The following MAST4 variants were observed in gnomAD, a reference collection of about 807,000 sequenced individuals.
MAST4 encodes microtubule associated serine/threonine kinase family member 4, also known as microtubule-associated serine/threonine-protein kinase 4.
In MAST4, 89 loss-of-function variants were observed where a neutral mutation model predicts 162.7. The observed-to-expected ratio is 0.55, with a 90% confidence interval of 0.46 to 0.65. MAST4 has a LOEUF of 0.65. MAST4 is among the 30% of genes least tolerant of loss of function. The pLI is 0.00. For missense variants in MAST4, 3,153 were observed against 3,374.0 expected, an observed-to-expected ratio of 0.93 and a Z score of 1.62; for synonymous variants, 1,479 against 1,361.1, an observed-to-expected ratio of 1.09 and a Z score of -1.91.
intron 4 of MAST4, among the ~76,000 whole-genome samples, chr5:66,943,303 A>G (rs538457665): frequency 3.4e-4 from 52 of 152,280 alleles, no homozygotes; most frequent in African/African-American, 1.2e-3. Context: ...GGTAGCCCAG[A>G]GCAACCATTT....
At chr5:66,829,943 A>G (rs1298174455) in intron 3 of MAST4, among the ~76,000 whole-genome samples, 4 of 152,194 alleles carry the variant, frequency 2.6e-5, no homozygotes, top group South Asian at 2.1e-4. Flanking sequence ...TTCAAACCTA[A>G]GTAAACAGAC....
At chr5:66,714,719 A>G (rs558845549) in intron 1 of MAST4, among the ~76,000 whole-genome samples, 2 of 152,348 alleles carry the variant, frequency 1.3e-5, no homozygotes, top group African/African-American at 2.4e-5. Flanking sequence ...TTTTTTAAAC[A>G]ATACCACTTT....
intron 3 of MAST4, among the ~76,000 whole-genome samples, chr5:66,805,472 T>A (rs1371224338): frequency 6.6e-6 from 1 of 152,220 alleles, no homozygotes; most frequent in Non-Finnish European, 1.5e-5. Context: ...CATTTTAGCA[T>A]TTTTATATCT....
intron 16 of MAST4, among the ~76,000 whole-genome samples, chr5:67,132,585 A>T (rs1769120806): frequency 6.6e-6 from 1 of 152,006 alleles, no homozygotes; most frequent in South Asian, 2.1e-4. Context: ...AGTAATTTTT[A>T]ATTTATGTGG....
At position 66,596,739 on chromosome 5, in the gene MAST4, G is replaced by A; in HGVS notation, c.84G>A (p.Leu28=). Residue 28 remains leucine (L), a synonymous_variant, in exon 1 of 29, where the codon CTG becomes CTA. Coordinates refer to ENST00000403625, the MANE Select transcript of MAST4 (RefSeq NM_001164664.2). ...GCAGCCGGACTCCAGCCTCTGCGCTGGTCGCCGCGTCCTCTCCGGGTGCTT... is the reference window on the plus strand; with the variant it reads ...GCAGCCGGACTCCAGCCTCTGCGCTAGTCGCCGCGTCCTCTCCGGGTGCTT... ...GHGSRTPASA[L]VAASSPGASS... The A allele has an allele frequency of 7.1e-7, 1 of 1,412,636 alleles. No individual in the cohort carries two copies. The highest frequency in any genetic ancestry group is 9.2e-7 in the Non-Finnish European group (1 of 1,082,608). The allele number at this position is 1,412,636 out of a possible 1,614,324, so 87.5% of individuals were successfully genotyped here.
rs760950931 is a variant in MAST4, at chr5:67,104,399, A to C, written c.1180A>C (p.Ile394Leu). 22 of 1,613,868 alleles carry C rather than the reference A, an allele frequency of 1.4e-5. No homozygotes were observed. The highest frequency in any genetic ancestry group is 1.9e-5 in the Non-Finnish European group (22 of 1,179,804). The change falls in exon 10 of 29, where the codon ATT (isoleucine) becomes CTT (leucine). Residue 394 changes from isoleucine to leucine, a missense_variant. Ile to Leu is a conservative substitution (Grantham distance 5). Transcript: ENST00000403625. ...TCAGATGGAAGAACGTCTAAAGGAA[A>C]TTATCACCAGCTACTCTCCTGACAA... ...TAQMEERLKE[I>L]ITSYSPDNVL...
intron 1 of MAST4, among the ~76,000 whole-genome samples, chr5:66,657,123 T>C (rs554855356): frequency 6.2e-4 from 95 of 152,360 alleles, no homozygotes; most frequent in Non-Finnish European, 1.1e-3. Context: ...TTATGAATTA[T>C]TTCTACTTCA....
rs1189936198 is a variant in MAST4, at chr5:67,162,919, T to C, written c.3967+131T>C. On this transcript the variant is annotated intron_variant, in intron 28 of 28. Transcript: ENST00000403625. ...GGTGTAAATTATAAAGACAGATTTATAGAGAGGTCATAAGATGTGGCTATT... is the reference window on the plus strand; with the variant it reads ...GGTGTAAATTATAAAGACAGATTTACAGAGAGGTCATAAGATGTGGCTATT... The C allele has an allele frequency of 2.8e-6, 3 of 1,067,844 alleles. No individual in the cohort carries two copies. The Admixed American group carries it at 8.4e-5, about 30-fold the overall frequency. The allele number at this position is 1,067,844 out of a possible 1,614,324, so 66.1% of individuals were successfully genotyped here.
At chr5:66,959,460 A>T (rs557663616) in intron 4 of MAST4, among the ~76,000 whole-genome samples, 2 of 152,328 alleles carry the variant, frequency 1.3e-5, no homozygotes, top group Admixed American at 1.3e-4. Flanking sequence ...GCTAATGTGG[A>T]CACCCAGACC....
At chr5:66,859,589 A>G (rs1455456802) in intron 3 of MAST4, among the ~76,000 whole-genome samples, 1 of 152,114 alleles carries the variant, frequency 6.6e-6, no homozygotes, top group Non-Finnish European at 1.5e-5. Flanking sequence ...GTATTTTACC[A>G]CCTATTTTTT....
chr5:66,675,245 T>C (rs973310356), intron 1 of MAST4, among the ~76,000 whole-genome samples: 11 of 152,196 alleles, frequency 7.2e-5, no homozygotes, highest in Non-Finnish European at 1.5e-4. Flanking sequence ...TAGTAGAAGC[T>C]GGAGTTCCCT....
intron 3 of MAST4, among the ~76,000 whole-genome samples, chr5:66,796,100 G>T (rs1001308897): frequency 2.0e-5 from 3 of 152,162 alleles, no homozygotes; most frequent in African/African-American, 7.2e-5. Context: ...GCTCACCTGA[G>T]CCCATCCACA....
chr5:66,722,383 CT>C (rs1379001341), intron 1 of MAST4, among the ~76,000 whole-genome samples: 2 of 151,636 alleles, frequency 1.3e-5, no homozygotes, highest in Non-Finnish European at 2.9e-5. Context: ...AAGTTATCTT[CT>C]CCATGCGGCT....
At chr5:66,716,824 T>C (rs1042112883) in intron 1 of MAST4, among the ~76,000 whole-genome samples, 1 of 152,224 alleles carries the variant, frequency 6.6e-6, no homozygotes, top group Non-Finnish European at 1.5e-5. Flanking sequence ...TTAACCATTG[T>C]AGTAGAGTAC....
At chr5:66,655,503 G>A (rs1202581692) in intron 1 of MAST4, among the ~76,000 whole-genome samples, 2 of 152,152 alleles carry the variant, frequency 1.3e-5, no homozygotes, top group East Asian at 3.9e-4. Context: ...ATTTGCCAGA[G>A]ACCAATGATC....
intron 4 of MAST4, among the ~76,000 whole-genome samples, chr5:66,964,674 G>A (rs1181518414): frequency 5.3e-5 from 8 of 152,264 alleles, no homozygotes; most frequent in African/African-American, 1.9e-4. Flanking sequence ...GGTGGTGGGC[G>A]CCTTAGTCCC....
chr5:66,941,088 GCTGTCAT>G (rs1021338662), intron 4 of MAST4, among the ~76,000 whole-genome samples: 10 of 152,228 alleles, frequency 6.6e-5, no homozygotes, highest in African/African-American at 2.2e-4. Context: ...GAACAGATAT[GCTGTCAT>G]CTAGGCTTTG....
Position 66,788,655 on chromosome 5 carries a change from CTT to C in MAST4, c.518-13_518-12del. On this transcript the variant is annotated splice_polypyrimidine_tract_variant and intron_variant, in intron 2 of 28. Coordinates refer to ENST00000403625, the MANE Select transcript of MAST4 (RefSeq NM_001164664.2). The stretch of plus-strand genomic sequence containing the variant: ...CTGCCTGTCACTTACATTTTCTTCT[CTT>C]TAACTCCAACAGGGAGGTACCTTCT... 7.2e-7 allele frequency: 1 copy of C among 1,380,936 alleles called. No individual in the cohort carries two copies. Among genetic ancestry groups the C allele is most frequent in the Non-Finnish European group, 9.7e-7 (1 of 1,035,074 alleles). The allele number at this position is 1,380,936 out of a possible 1,614,324, so 85.5% of individuals were successfully genotyped here.
At chr5:66,742,203 A>G (rs1432835315) in intron 1 of MAST4, among the ~76,000 whole-genome samples, 2 of 152,190 alleles carry the variant, frequency 1.3e-5, no homozygotes, top group Admixed American at 6.5e-5. Context: ...GCTGGGTCAG[A>G]TGCTGACCGT....
Sources: allele counts gnomAD v4.1 joint callset (sites outside exome capture counted in the v4.1 genomes callset), GRCh38; gene constraint gnomAD v4.1.1; transcripts MANE v1.5; gene names NCBI Gene and HGNC (gene_info 2026-07-23, HGNC 2026-07-21).